Variants in ADAMTS20 observed in about 807,000 individuals in gnomAD.
ADAMTS20 encodes the protein A disintegrin and metalloproteinase with thrombospondin motifs 20.
A neutral mutation model predicts 260.1 loss-of-function variants in ADAMTS20; 225 were observed. The ratio of observed to expected loss-of-function variants is 0.87; its 90% CI spans 0.78 to 0.97. The LOEUF (loss-of-function observed/expected upper bound fraction) is 0.97. Among genes scored for constraint, ADAMTS20 ranks in the 50% least tolerant of loss-of-function variants. The probability of loss-of-function intolerance (pLI) is 0.00; values close to 1 mark genes in which losing one functional copy is unlikely to be tolerated. For synonymous variants in ADAMTS20, 802 were observed against 769.5 expected (o/e 1.04, Z -0.70); for missense variants, 2,400 against 2,337.7 (o/e 1.03, Z -0.55).
intron 37 of ADAMTS20, among the ~76,000 whole-genome samples, chr12:43,357,077 C>T (rs1939762849): frequency 6.6e-6 from 1 of 152,156 alleles, no homozygotes; most frequent in African/African-American, 2.4e-5. Context: ...TGTGGGTCCC[C>T]TATGAGCTTC....
chr12:43,406,897 T>A (rs1451638926), intron 28 of ADAMTS20, among the ~76,000 whole-genome samples: 1 of 152,064 alleles, frequency 6.6e-6, no homozygotes, highest in East Asian at 1.9e-4. Context: ...AAAATATGCA[T>A]ATTAAGACTA....
At chr12:43,429,198 A>G (rs1941393060) in intron 24 of ADAMTS20, among the ~76,000 whole-genome samples, 1 of 152,126 alleles carries the variant, frequency 6.6e-6, no homozygotes, top group South Asian at 2.1e-4. Flanking sequence ...ATATTCAGAG[A>G]ATATATGAAG....
At chr12:43,394,902 T>TG (rs1940668244) in intron 29 of ADAMTS20, among the ~76,000 whole-genome samples, 1 of 152,090 alleles carries the variant, frequency 6.6e-6, no homozygotes, top group African/African-American at 2.4e-5. Context: ...CCTGCATTTG[T>TG]GGGGAATAAA....
intron 2 of ADAMTS20, among the ~76,000 whole-genome samples, chr12:43,540,354 T>C (rs1943360242): frequency 6.6e-6 from 1 of 152,204 alleles, no homozygotes; most frequent in Non-Finnish European, 1.5e-5. Context: ...CTTTAAAAAA[T>C]GTTGTCTTTA....
chr12:43,456,526 T>A (rs1310002800), intron 11 of ADAMTS20, among the ~76,000 whole-genome samples: 1 of 152,178 alleles, frequency 6.6e-6, no homozygotes, highest in South Asian at 2.1e-4. Context: ...GCTCAAATTG[T>A]TAGAAATGCA....
At chr12:43,532,566 T>TTA (rs10681066) in intron 2 of ADAMTS20, among the ~76,000 whole-genome samples, 8 of 147,634 alleles carry the variant, frequency 5.4e-5, no homozygotes, top group African/African-American at 2.0e-4. Context: ...TTTTTTTTTT[T>TTA]ATTATACTCT....
At chr12:43,371,529 A>G (rs1940106391) in intron 36 of ADAMTS20, among the ~76,000 whole-genome samples, 1 of 152,204 alleles carries the variant, frequency 6.6e-6, no homozygotes, top group Non-Finnish European at 1.5e-5. Flanking sequence ...ATGGGGAGGA[A>G]GAGAATTTAG....
rs1255809573 is a variant in ADAMTS20, at chr12:43,354,278, GC to G, written c.5663del (p.Gly1888AlafsTer14). On this transcript the variant is annotated frameshift_variant, in exon 39 of 39. Coordinates refer to ENST00000389420, the MANE Select transcript of ADAMTS20 (RefSeq NM_025003.5). LOFTEE classifies it high-confidence loss of function. ...RRSEDGTRFFGKCGGYCGKCL... is the reference protein window; with the variant it reads ...RRSEDGTRFFXKCGGYCGKCL... The stretch of plus-strand genomic sequence containing the variant: ...ACTTTCCACAGTACCCTCCACATTT[GC>G]CGAAAAATCTAGTTCCATCCTGAAA... 2 of 1,590,112 alleles carry G rather than the reference GC, an allele frequency of 1.3e-6. No homozygotes were observed. Among genetic ancestry groups the G allele is most frequent in the African/African-American group, 1.3e-5 (1 of 74,560 alleles).
Position 43,369,404 on chromosome 12 carries a change from C to G in ADAMTS20, c.5447-23G>C, listed in dbSNP as rs768801359. ...TAGCTAGAAAATAATAAATAAAACT[C>G]TTTAGCATGGAGACAATAATGCAAT... On this transcript the variant is annotated intron_variant, in intron 36 of 38. Coordinates refer to ENST00000389420, the MANE Select transcript of ADAMTS20 (RefSeq NM_025003.5). The G allele has an allele frequency of 5.6e-5, 78 of 1,399,394 alleles. 2 individuals are homozygous for G. In the South Asian group the frequency reaches 9.9e-4, roughly 18 times the overall value. 86.7% of individuals were successfully genotyped at this position (1,399,394 alleles called of 1,614,324 possible).
At chr12:43,521,661 T>C (rs1340548626) in intron 3 of ADAMTS20, among the ~76,000 whole-genome samples, 2 of 152,206 alleles carry the variant, frequency 1.3e-5, no homozygotes, top group Non-Finnish European at 2.9e-5. Context: ...GCAAATTATA[T>C]AATATCTGTT....
rs752110033 is a variant in ADAMTS20, at chr12:43,430,368, C to T, written c.3365G>A (p.Arg1122His). The T allele has an allele frequency of 1.2e-5, 20 of 1,611,664 alleles. No homozygotes were observed. In the South Asian group the frequency reaches 1.4e-4, roughly 12 times the overall value. ...TCTTTTTACCTGTCTGTCACTGGGG[C>T]GACTAGCTTCATGGCATTCTGTGTC... Reference protein sequence around the residue: ...LEDTECHEASRPSDRQSCVLT... With the variant: ...LEDTECHEASHPSDRQSCVLT... The change falls in exon 23 of 39, where the codon CGC becomes CAC. Residue 1122 changes from arginine (R) to histidine (H), a missense_variant. Transcript: ENST00000389420.
chr12:43,425,566 T>C lies in ADAMTS20; in HGVS notation c.4232A>G (p.His1411Arg). ...VNKPPSVIQCHMHACPADVSW... is the reference protein window; with the variant it reads ...VNKPPSVIQCRMHACPADVSW... ...CACATCAGCAGGGCAAGCATGCATA[T>C]GACACTGTATTACGCTAGGTGGCTT... The change falls in exon 28 of 39, where the codon CAT becomes CGT. Residue 1411 changes from histidine (H) to arginine (R), a missense_variant. Physicochemically the swap from His to Arg is conservative, Grantham distance 29 (BLOSUM62 0). Transcript: ENST00000389420. The C allele has an allele frequency of 1.9e-6, 3 of 1,599,536 alleles. No individual in the cohort carries two copies. The highest frequency in any genetic ancestry group is 2.6e-6 in the Non-Finnish European group (3 of 1,171,332).
intron 11 of ADAMTS20, among the ~76,000 whole-genome samples, chr12:43,462,445 G>A (rs1289735893): frequency 1.3e-5 from 2 of 152,176 alleles, no homozygotes; most frequent in Non-Finnish European, 2.9e-5. Flanking sequence ...GATTTTAGCG[G>A]TATAATGTAT....
intron 15 of ADAMTS20, among the ~76,000 whole-genome samples, chr12:43,445,719 G>T (rs1385177670): frequency 6.6e-6 from 1 of 151,812 alleles, no homozygotes. Context: ...GGGCATGGTG[G>T]TGAACACCTG....
intron 37 of ADAMTS20, among the ~76,000 whole-genome samples, chr12:43,363,006 C>G (rs1057172519): frequency 6.6e-6 from 1 of 151,822 alleles, no homozygotes; most frequent in Non-Finnish European, 1.5e-5. Flanking sequence ...ACTTCCATAA[C>G]TGTTAAATAA....
Position 43,376,100 on chromosome 12 carries a change from GT to G in ADAMTS20, c.5268del (p.Leu1757TrpfsTer16). The G allele has an allele frequency of 6.2e-7, 1 of 1,611,074 alleles. No individual in the cohort carries two copies. The highest frequency in any genetic ancestry group is 8.5e-7 in the Non-Finnish European group (1 of 1,178,714). The part of the protein sequence containing the change: ...MYLENPKEYL[T>X]LVQGEENFSE... ...GAAAAGTTTTCTTCACCTTGGACCAGTGTTAAATATTCCTTAGGGTTCTCCA... is the reference window on the plus strand; with the variant it reads ...GAAAAGTTTTCTTCACCTTGGACCAGGTTAAATATTCCTTAGGGTTCTCCA... On this transcript the variant is annotated frameshift_variant, in exon 35 of 39. Coordinates refer to ENST00000389420, the MANE Select transcript of ADAMTS20 (RefSeq NM_025003.5). LOFTEE classifies it high-confidence loss of function.
intron 3 of ADAMTS20, among the ~76,000 whole-genome samples, chr12:43,514,823 T>G (rs1380781467): frequency 6.6e-6 from 1 of 152,216 alleles, no homozygotes; most frequent in East Asian, 1.9e-4. Flanking sequence ...AAATGAAATG[T>G]ATCATTTTGT....
intron 28 of ADAMTS20, among the ~76,000 whole-genome samples, chr12:43,421,956 TA>T (rs1264066954): frequency 3.3e-5 from 5 of 151,952 alleles, no homozygotes; most frequent in African/African-American, 1.2e-4. Context: ...ATTAATAATA[TA>T]AGATCTGTTC....
At chr12:43,532,575 C>CT (rs1943240253) in intron 2 of ADAMTS20, among the ~76,000 whole-genome samples, 1 of 121,138 alleles carries the variant, frequency 8.3e-6, no homozygotes, top group East Asian at 2.5e-4. Flanking sequence ...TTATTATACT[C>CT]TAAGTTTTAG....
Sources: gnomAD v4.1 joint callset for allele counts (sites outside exome capture counted in the v4.1 genomes callset) on GRCh38, gnomAD v4.1.1 for gene constraint, MANE v1.5 for transcripts, NCBI Gene and HGNC (gene_info 2026-07-23, HGNC 2026-07-21) for gene names.